The following LGR4 variants were observed in gnomAD, a reference collection of about 807,000 sequenced individuals.
LGR4 encodes the protein leucine rich repeat containing G protein-coupled receptor 4, also known as leucine-rich repeat-containing G protein-coupled receptor 4.
A neutral mutation model predicts 84.8 loss-of-function variants in LGR4; 44 were observed. That is an observed-to-expected ratio of 0.52 (90% CI 0.41 to 0.67). The LOEUF is 0.67. LGR4 is among the 30% of genes least tolerant of loss of function. LGR4 has a pLI of 0.00. For missense variants in LGR4, 1,032 were observed against 1,131.4 expected (o/e 0.91, Z 1.26); for synonymous variants, 429 against 434.3 (o/e 0.99, Z 0.15).
At chr11:27,452,623 G>GT (rs557477166) in intron 1 of LGR4, among the ~76,000 whole-genome samples, 2,455 of 119,314 alleles carry the variant, frequency 0.021, 53 homozygotes, top group Non-Finnish European at 0.024. Context: ...AACTTTTTGA[G>GT]TTTTTTTTTT....
rs556599125 is a variant in LGR4 at position 27,375,413 on chromosome 11, A to G, written c.1181+886T>C. Among the ~76,000 whole-genome samples the G allele has an allele frequency of 1.2e-4, 19 of 152,324 alleles. No homozygotes were observed. In the South Asian group the frequency reaches 1.9e-3, roughly 15 times the overall value. Reference sequence around the variant, plus strand: ...GGCAAGGTTTGTCTCAGTCACCTCTATATTCCCAAGTGCTTATGAGAGTAC... The same window carrying G: ...GGCAAGGTTTGTCTCAGTCACCTCTGTATTCCCAAGTGCTTATGAGAGTAC... On this transcript the variant is annotated intron_variant, in intron 13 of 17. Transcript: ENST00000379214.
chr11:27,427,805 C>T (rs11030000), intron 1 of LGR4, among the ~76,000 whole-genome samples: 36,709 of 151,852 alleles, frequency 0.24, 7,429 homozygotes, highest in African/African-American at 0.56. Context: ...ACCGAATTCC[C>T]TTATTAGAGC....
chr11:27,384,947 C>T (rs1266805656), intron 5 of LGR4, among the ~76,000 whole-genome samples: 1 of 152,128 alleles, frequency 6.6e-6, no homozygotes, highest in Admixed American at 6.6e-5. Context: ...AAATGACTTC[C>T]CTTCTTTTAA....
At chr11:27,407,037 A>C (rs553185398) in intron 2 of LGR4, among the ~76,000 whole-genome samples, 64 of 152,290 alleles carry the variant, frequency 4.2e-4, no homozygotes, top group South Asian at 2.9e-3. Context: ...TAAGATATAG[A>C]AGAGATGACA....
chr11:27,402,654 G>T (rs1308664421), intron 2 of LGR4, among the ~76,000 whole-genome samples: 1 of 152,118 alleles, frequency 6.6e-6, no homozygotes, highest in Non-Finnish European at 1.5e-5. Context: ...AATATACCCA[G>T]CTCAAAGGTC....
At chr11:27,410,320 TG>T (rs1173078770) in intron 2 of LGR4, among the ~76,000 whole-genome samples, 1 of 152,138 alleles carries the variant, frequency 6.6e-6, no homozygotes, top group African/African-American at 2.4e-5. Flanking sequence ...TCTGTATTCT[TG>T]GGAAGTGATT....
At chr11:27,390,044 A>G (rs1166151811) in intron 4 of LGR4, among the ~76,000 whole-genome samples, 1 of 152,126 alleles carries the variant, frequency 6.6e-6, no homozygotes, top group Non-Finnish European at 1.5e-5. Flanking sequence ...TTAAAGTTTA[A>G]CTTTACAGCA....
Position 27,385,437 on chromosome 11 carries a change from G to C in LGR4, c.433C>G (p.Pro145Ala), listed in dbSNP as rs1863170038. The C allele has an allele frequency of 6.2e-7, 1 of 1,608,646 alleles. No homozygotes were observed. Among genetic ancestry groups the C allele is most frequent in the Non-Finnish European group, 8.5e-7 (1 of 1,177,832 alleles). ...ACAAGTCCTTCAAAACTGTCCTCGG[G>C]GACTGAGGTAATATGGTTGGCATCT... ...RLDANHITSV[P>A]EDSFEGLVQL... Residue 145 changes from proline (P) to alanine (A), a missense_variant, in exon 5 of 18, where the codon CCC (proline) becomes GCC (alanine). By Grantham distance (27) the Pro-to-Ala change is conservative. Coordinates refer to ENST00000379214, the MANE Select transcript of LGR4 (RefSeq NM_018490.5).
At chr11:27,471,595 T>C (rs1354420057) in intron 1 of LGR4, 6 of 152,404 alleles carry the variant, frequency 3.9e-5, no homozygotes, top group Admixed American at 6.5e-5. Flanking sequence ...TCGCCCTGAC[T>C]GAGGTACAGG....
chr11:27,391,799 T>G (rs1863291073), intron 3 of LGR4, among the ~76,000 whole-genome samples: 1 of 152,054 alleles, frequency 6.6e-6, no homozygotes, highest in Non-Finnish European at 1.5e-5. Flanking sequence ...CCTGTCACAT[T>G]AATAAAATGA....
chr11:27,382,335 A>G (rs1216566326), intron 6 of LGR4, 79 bp from the exon 7 acceptor site: 3 of 898,282 alleles, frequency 3.3e-6, no homozygotes, highest in African/African-American at 3.3e-5. Context: ...ACAGACAAGT[A>G]TTTTTTTAAA....
intron 1 of LGR4, among the ~76,000 whole-genome samples, chr11:27,434,876 C>A (rs1463670646): frequency 1.3e-5 from 2 of 152,100 alleles, no homozygotes; most frequent in Admixed American, 1.3e-4. Flanking sequence ...AAAAGCCAAA[C>A]GGTATGATCT....
chr11:27,387,695 G>A (rs1243995594), intron 4 of LGR4, among the ~76,000 whole-genome samples: 1 of 152,148 alleles, frequency 6.6e-6, no homozygotes, highest in Admixed American at 6.5e-5. Flanking sequence ...CTATAGGCCA[G>A]GTAGGGGGTT....
intron 1 of LGR4, among the ~76,000 whole-genome samples, chr11:27,454,278 A>G (rs1399976162): frequency 6.6e-6 from 1 of 152,168 alleles, no homozygotes; most frequent in African/African-American, 2.4e-5. Flanking sequence ...GTCTCCCTAA[A>G]AAGTATAAAA....
At chr11:27,449,186 G>C (rs1864441685) in intron 1 of LGR4, among the ~76,000 whole-genome samples, 1 of 152,096 alleles carries the variant, frequency 6.6e-6, no homozygotes, top group Non-Finnish European at 1.5e-5. Flanking sequence ...ACCTACTTAA[G>C]TATAATGAGT....
At chr11:27,450,749 T>C (rs574759992) in intron 1 of LGR4, among the ~76,000 whole-genome samples, 82 of 152,176 alleles carry the variant, frequency 5.4e-4, no homozygotes, top group Admixed American at 1.8e-3. Context: ...GATCGCGCCA[T>C]TGCACTCCAG....
chr11:27,449,497 A>T (rs753372002), intron 1 of LGR4, among the ~76,000 whole-genome samples: 1 of 151,988 alleles, frequency 6.6e-6, no homozygotes, highest in African/African-American at 2.4e-5. Flanking sequence ...CAGGAGGGTG[A>T]CTTGAGCCTA....
intron 10 of LGR4, among the ~76,000 whole-genome samples, chr11:27,379,976 AGT>A (rs1269541180): frequency 3.3e-5 from 5 of 152,214 alleles, no homozygotes; most frequent in Non-Finnish European, 7.3e-5. Flanking sequence ...CTTCTGTGAT[AGT>A]CTACATCGAA....
intron 1 of LGR4, among the ~76,000 whole-genome samples, chr11:27,435,843 C>T (rs1167325817): frequency 6.6e-6 from 1 of 152,088 alleles, no homozygotes. Flanking sequence ...GTTCACATAT[C>T]TTAACCTCAC....
Sources: gnomAD v4.1 joint callset for allele counts (sites outside exome capture counted in the v4.1 genomes callset) on GRCh38, gnomAD v4.1.1 for gene constraint, MANE v1.5 for transcripts, NCBI Gene and HGNC (gene_info 2026-07-23, HGNC 2026-07-21) for gene names.